SAMTOR: variants seen among roughly 807,000 people sequenced by gnomAD.
The protein encoded by SAMTOR is S-adenosylmethionine sensor upstream of mTORC1.
the SAMTOR span, among the ~76,000 whole-genome samples, chr7:112,872,278 ATGAT>A: frequency 8.9e-3 from 1,355 of 152,346 alleles, 21 homozygotes; most frequent in African/African-American, 0.03. Context: ...AAGTTAATTC[ATGAT>A]TAAGTAGGCC....
chr7:112,865,272 G>A, the SAMTOR span, among the ~76,000 whole-genome samples: 2 of 151,838 alleles, frequency 1.3e-5, no homozygotes, highest in African/African-American at 4.8e-5. Flanking sequence ...AACACAGCAA[G>A]ACCCCCCATC....
At chr7:112,935,752 G>C in the SAMTOR span, among the ~76,000 whole-genome samples, 1 of 152,118 alleles carries the variant, frequency 6.6e-6, no homozygotes, top group Non-Finnish European at 1.5e-5. Flanking sequence ...GGAATGAAAA[G>C]TGTACTTTTA....
At chr7:112,871,793 A>G in the SAMTOR span, among the ~76,000 whole-genome samples, 1 of 152,230 alleles carries the variant, frequency 6.6e-6, no homozygotes, top group Non-Finnish European at 1.5e-5. Flanking sequence ...TATTCAAATA[A>G]GCAAAATCAG....
the SAMTOR span, among the ~76,000 whole-genome samples, chr7:112,933,038 G>C: frequency 6.6e-6 from 1 of 152,190 alleles, no homozygotes; most frequent in African/African-American, 2.4e-5. Context: ...GGAAGGAAGA[G>C]GGGCAGGGAT....
the SAMTOR span, among the ~76,000 whole-genome samples, chr7:112,931,940 T>C: frequency 6.6e-6 from 1 of 151,974 alleles, no homozygotes; most frequent in African/African-American, 2.4e-5. Flanking sequence ...TTTTTTCTTT[T>C]TTCGGGATGG....
At chr7:112,849,398 G>A in the SAMTOR span, among the ~76,000 whole-genome samples, 5 of 152,228 alleles carry the variant, frequency 3.3e-5, no homozygotes, top group African/African-American at 1.2e-4. Context: ...ACTAGTATGT[G>A]ACCTTAGAAA....
the SAMTOR span, among the ~76,000 whole-genome samples, chr7:112,886,776 C>T: frequency 3.9e-5 from 6 of 152,210 alleles, no homozygotes; most frequent in African/African-American, 1.4e-4. Context: ...ACCATATCTC[C>T]CTGCCCCCAC....
At chr7:112,835,704 T>G in the SAMTOR span, among the ~76,000 whole-genome samples, 1 of 152,076 alleles carries the variant, frequency 6.6e-6, no homozygotes, top group Non-Finnish European at 1.5e-5. Flanking sequence ...TCTCATCACT[T>G]AGCTCCCACT....
At chr7:112,916,621 G>C in the SAMTOR span, among the ~76,000 whole-genome samples, 3 of 152,280 alleles carry the variant, frequency 2.0e-5, no homozygotes, top group South Asian at 6.2e-4. Context: ...CACCGTGTGG[G>C]AGCCGAAGTG....
chr7:112,895,780 C>A, the SAMTOR span: 17 of 1,337,440 alleles, frequency 1.3e-5, no homozygotes, highest in East Asian at 2.6e-5. Context: ...ATACTGTGTA[C>A]GACTACAAAA....
At chr7:112,864,731 G>T in the SAMTOR span, among the ~76,000 whole-genome samples, 1 of 152,192 alleles carries the variant, frequency 6.6e-6, no homozygotes, top group African/African-American at 2.4e-5. Context: ...AAATAATCCA[G>T]ATGGCTAAAG....
chr7:112,895,865 C>G, the SAMTOR span: 1 of 579,390 alleles, frequency 1.7e-6, no homozygotes, highest in African/African-American at 1.9e-5. Flanking sequence ...TTGAAAATGT[C>G]AAACTGAGAT....
the SAMTOR span, among the ~76,000 whole-genome samples, chr7:112,864,757 T>C: frequency 2.6e-5 from 4 of 152,206 alleles, no homozygotes; most frequent in African/African-American, 9.7e-5. Context: ...CAAAAATTTA[T>C]ATATTTTTCT....
chr7:112,918,314 T>C, the SAMTOR span, among the ~76,000 whole-genome samples: 1 of 152,162 alleles, frequency 6.6e-6, no homozygotes, highest in Non-Finnish European at 1.5e-5. Context: ...AAGAAAAGAA[T>C]TTTCAACCCA....
the SAMTOR span, among the ~76,000 whole-genome samples, chr7:112,930,481 T>C: frequency 2.0e-5 from 3 of 151,346 alleles, no homozygotes; most frequent in Non-Finnish European, 2.9e-5. Context: ...GCTAAAAAGG[T>C]TGGACTTTTC....
At chr7:112,824,621 A>C in the SAMTOR span, among the ~76,000 whole-genome samples, 1 of 152,114 alleles carries the variant, frequency 6.6e-6, no homozygotes. Flanking sequence ...TTGGCCTCCC[A>C]AAGTGCTGGG....
chr7:112,845,722 C>G, the SAMTOR span, among the ~76,000 whole-genome samples: 6 of 152,122 alleles, frequency 3.9e-5, no homozygotes, highest in South Asian at 2.1e-4. Flanking sequence ...ACCTAGCAAT[C>G]CTATCACTGG....
chr7:112,868,119 G>A, the SAMTOR span, among the ~76,000 whole-genome samples: 1 of 152,170 alleles, frequency 6.6e-6, no homozygotes, highest in African/African-American at 2.4e-5. Context: ...CCACGAAACT[G>A]GTCTCTGGTG....
chr7:112,845,651 T>C, the SAMTOR span, among the ~76,000 whole-genome samples: 5 of 152,190 alleles, frequency 3.3e-5, no homozygotes, highest in African/African-American at 1.2e-4. Flanking sequence ...GTAAATTAGT[T>C]CAACCGTTAT....
Sources: allele counts gnomAD v4.1 joint callset (sites outside exome capture counted in the v4.1 genomes callset), GRCh38; gene constraint gnomAD v4.1.1; transcripts MANE v1.5; gene names NCBI Gene and HGNC (gene_info 2026-07-23, HGNC 2026-07-21).